The following APP variants were observed in gnomAD, a reference collection of about 807,000 sequenced individuals.
The protein encoded by APP is amyloid-beta precursor protein.
In APP, 31 loss-of-function variants were observed where a neutral mutation model predicts 101.4. The ratio of observed to expected loss-of-function variants is 0.31; its 90% CI spans 0.23 to 0.41. The LOEUF is 0.41. Ranked by LOEUF, APP falls within the 10% of genes least tolerant of loss-of-function variation. APP has a pLI of 1.00. For missense variants in APP, 839 were observed against 1,003.7 expected, an observed-to-expected ratio of 0.84 and a Z score of 2.22; for synonymous variants, 366 against 364.4, an observed-to-expected ratio of 1.00 and a Z score of -0.05.
intron 5 of APP, among the ~76,000 whole-genome samples, chr21:26,040,605 TAA>T (rs35349551): frequency 3.7e-4 from 46 of 125,248 alleles, no homozygotes; most frequent in Admixed American, 4.1e-4. Flanking sequence ...CCGTCTCCAT[TAA>T]AAAAAAAAAA....
At chr21:26,008,162 C>T (rs1488949469) in intron 6 of APP, among the ~76,000 whole-genome samples, 1 of 152,212 alleles carries the variant, frequency 6.6e-6, no homozygotes, top group African/African-American at 2.4e-5. Context: ...GCCAATACAT[C>T]TGTCATTCTA....
chr21:26,101,169 G>A (rs534703639), intron 2 of APP, among the ~76,000 whole-genome samples: 6 of 144,538 alleles, frequency 4.2e-5, no homozygotes, highest in East Asian at 2.0e-4. Flanking sequence ...GCGTGATCTC[G>A]GCCCACTGCA....
At chr21:25,888,860 C>T (rs1305205932) in intron 17 of APP, among the ~76,000 whole-genome samples, 1 of 152,190 alleles carries the variant, frequency 6.6e-6, no homozygotes, top group African/African-American at 2.4e-5. Context: ...ATTTTCCACT[C>T]CCTGAGGCTT....
chr21:25,929,790 T>C (rs1168865223), intron 13 of APP, among the ~76,000 whole-genome samples: 1 of 152,216 alleles, frequency 6.6e-6, no homozygotes, highest in African/African-American at 2.4e-5. Flanking sequence ...CGCATTTTTA[T>C]AAAGGCAAAA....
At chr21:25,915,600 G>A (rs1939675238) in intron 13 of APP, among the ~76,000 whole-genome samples, 1 of 152,242 alleles carries the variant, frequency 6.6e-6, no homozygotes, top group African/African-American at 2.4e-5. Context: ...TTTGTAAGCT[G>A]ACTTAATCAC....
At chr21:26,078,045 T>C (rs1033893920) in intron 3 of APP, among the ~76,000 whole-genome samples, 1 of 152,220 alleles carries the variant, frequency 6.6e-6, no homozygotes, top group African/African-American at 2.4e-5. Context: ...TTCATCTTTA[T>C]GTCGTTTCTT....
chr21:26,154,179 T>C (rs1226289713), intron 1 of APP, among the ~76,000 whole-genome samples: 1 of 152,176 alleles, frequency 6.6e-6, no homozygotes, highest in Admixed American at 6.5e-5. Context: ...ACAATAAGCC[T>C]TCCAAAACAA....
intron 8 of APP, among the ~76,000 whole-genome samples, chr21:25,987,430 T>TCACA (rs2042680565): frequency 6.6e-6 from 1 of 152,206 alleles, no homozygotes; most frequent in African/African-American, 2.4e-5. Flanking sequence ...AATACCAACA[T>TCACA]CACATGCATA....
At chr21:26,010,812 C>T (rs991903870) in intron 6 of APP, among the ~76,000 whole-genome samples, 1 of 107,596 alleles carries the variant, frequency 9.3e-6, no homozygotes, top group East Asian at 2.5e-4. Flanking sequence ...CAGAGTGAGA[C>T]TTCGTCTCAA....
At chr21:25,944,034 G>GC (rs398121546) in intron 13 of APP, among the ~76,000 whole-genome samples, 25,280 of 150,234 alleles carry the variant, frequency 0.17, 2,242 homozygotes, top group Middle Eastern at 0.23. Context: ...AAATTTCAAT[G>GC]CCCCCCCCCA....
chr21:25,990,685 T>C (rs931514870), intron 8 of APP, among the ~76,000 whole-genome samples: 5 of 152,182 alleles, frequency 3.3e-5, no homozygotes, highest in African/African-American at 1.2e-4. Flanking sequence ...ATAAAGCTGA[T>C]TTCATTTTAC....
chr21:26,098,957 C>A (rs928253124), intron 2 of APP, among the ~76,000 whole-genome samples: 6 of 152,126 alleles, frequency 3.9e-5, no homozygotes, highest in African/African-American at 1.2e-4. Context: ...AGGGAAAAAA[C>A]CTGCATTCCA....
At chr21:26,021,803 T>A (rs368647775) in intron 6 of APP, 37 bp downstream of exon 6, 7 of 1,608,228 alleles carry the variant, frequency 4.4e-6, no homozygotes, top group Non-Finnish European at 4.2e-6. Flanking sequence ...TTTCTTTTCC[T>A]TGGGGGTGGG....
intron 2 of APP, 44 bp downstream of exon 2, chr21:26,111,934 TG>T: frequency 6.2e-7 from 1 of 1,608,460 alleles, no homozygotes; most frequent in East Asian, 2.2e-5. Context: ...TGAAAACAAA[TG>T]CATGTGATCC....
intron 5 of APP, among the ~76,000 whole-genome samples, chr21:26,045,885 GAAGA>G (rs2045587715): frequency 6.6e-6 from 1 of 152,168 alleles, no homozygotes; most frequent in Non-Finnish European, 1.5e-5. Flanking sequence ...GTAATTTACA[GAAGA>G]AAGAGGTTTA....
At chr21:26,127,775 G>A (rs1162994642) in intron 1 of APP, among the ~76,000 whole-genome samples, 1 of 152,156 alleles carries the variant, frequency 6.6e-6, no homozygotes, top group Non-Finnish European at 1.5e-5. Flanking sequence ...CACCTCACAG[G>A]ATATTATGAG....
In APP at chr21:25,891,941, G is replaced by C. The variant is rs2037725696; in HGVS notation, c.2065-73C>G. 7 of 1,424,118 alleles carry C rather than the reference G, an allele frequency of 4.9e-6. No homozygotes were observed. The Admixed American group carries it at 1.2e-4, about 24-fold the overall frequency. The allele number at this position is 1,424,118 out of a possible 1,614,324, so 88.2% of individuals were successfully genotyped here. On this transcript the variant is annotated intron_variant, in intron 16 of 17. Coordinates refer to ENST00000346798, the MANE Select transcript of APP (RefSeq NM_000484.4). The stretch of plus-strand genomic sequence containing the variant: ...AATTTACAATTTATAAACGCAATTA[G>C]AAGAATTTCATTTCTTAAATGCAGG...
At chr21:26,166,859 C>G (rs758272399) in intron 1 of APP, among the ~76,000 whole-genome samples, 11 of 149,158 alleles carry the variant, frequency 7.4e-5, no homozygotes, top group Admixed American at 1.3e-4. Flanking sequence ...GCACCAGCAT[C>G]TGTCACTCAA....
At chr21:26,055,590 A>G (rs2046008334) in intron 3 of APP, among the ~76,000 whole-genome samples, 3 of 152,132 alleles carry the variant, frequency 2.0e-5, no homozygotes, top group South Asian at 2.1e-4. Flanking sequence ...AGAATACCTG[A>G]TATCTGAGGC....
Sources: allele counts gnomAD v4.1 joint callset (sites outside exome capture counted in the v4.1 genomes callset), GRCh38; gene constraint gnomAD v4.1.1; transcripts MANE v1.5; gene names NCBI Gene and HGNC (gene_info 2026-07-23, HGNC 2026-07-21).